The following SLC1A1 variants were observed in gnomAD, a reference collection of about 807,000 sequenced individuals.
SLC1A1 encodes excitatory amino acid transporter 3.
Under a neutral mutation model 53.3 loss-of-function variants are expected in SLC1A1, and 43 were observed. That is an observed-to-expected ratio of 0.81 (90% CI 0.63 to 1.04). SLC1A1 has a LOEUF of 1.04. Among genes scored for constraint, SLC1A1 ranks in the 50% least tolerant of loss-of-function variants. The pLI, the probability that SLC1A1 is intolerant of heterozygous loss-of-function variation, is 0.00. For missense variants in SLC1A1, 748 were observed against 664.9 expected (o/e 1.12, Z -1.37); for synonymous variants, 307 against 243.2 (o/e 1.26, Z -2.44).
At position 4,587,168 on chromosome 9, in the gene SLC1A1, TG is replaced by T. The variant is rs1348031101; in HGVS notation, c.*1611del. ...ACAACATAATGATACTGAATTGTTA[TG>T]TAAACATCATAAATAGTAAATAATG... On this transcript the variant is annotated 3_prime_UTR_variant, in exon 12 of 12. Transcript: ENST00000262352. 1.3e-5 allele frequency: 2 copies of T among 152,672 alleles called. No homozygotes were observed. Among genetic ancestry groups the T allele is most frequent in the Non-Finnish European group, 2.9e-5 (2 of 68,040 alleles). The allele number at this position is 152,672 out of a possible 1,614,324, so 9.5% of individuals were successfully genotyped here.
chr9:4,528,237 G>T (rs1219951713), intron 1 of SLC1A1, among the ~76,000 whole-genome samples: 1 of 151,518 alleles, frequency 6.6e-6, no homozygotes, highest in Non-Finnish European at 1.5e-5. Context: ...GATACTTCCT[G>T]CATGGAAAAT....
At chr9:4,572,763 G>C (rs1035013463) in intron 7 of SLC1A1, among the ~76,000 whole-genome samples, 1 of 152,224 alleles carries the variant, frequency 6.6e-6, no homozygotes, top group African/African-American at 2.4e-5. Flanking sequence ...TGCCCAGGCT[G>C]ATCTCAAACT....
At chr9:4,513,666 G>A (rs2130817686) in intron 1 of SLC1A1, among the ~76,000 whole-genome samples, 1 of 152,272 alleles carries the variant, frequency 6.6e-6, no homozygotes, top group Admixed American at 6.5e-5. Flanking sequence ...CTTAAATACA[G>A]CTTTATGATA....
Position 4,490,710 on chromosome 9 carries a change from T to C in SLC1A1, c.31T>C (p.Trp11Arg), listed in dbSNP as rs1820200844. The change falls in exon 1 of 12, where the codon TGG becomes CGG. Residue 11 changes from tryptophan (W) to arginine (R), a missense_variant. By Grantham distance (101) the Trp-to-Arg change is moderately radical. Coordinates refer to ENST00000262352, the MANE Select transcript of SLC1A1 (RefSeq NM_004170.6). ...GAAACCGGCGAGGAAAGGATGCGAG[T>C]GGAAGCGCTTCCTGAAGAATAACTG... MGKPARKGCEWKRFLKNNWVL... is the reference protein window; with the variant it reads MGKPARKGCERKRFLKNNWVL... The C allele has an allele frequency of 6.2e-7, 1 of 1,612,678 alleles. No individual in the cohort carries two copies. Among genetic ancestry groups the C allele is most frequent in the African/African-American group, 1.3e-5 (1 of 74,916 alleles).
chr9:4,492,534 C>T (rs973752743), intron 1 of SLC1A1, among the ~76,000 whole-genome samples: 2 of 151,072 alleles, frequency 1.3e-5, no homozygotes, highest in South Asian at 4.2e-4. Context: ...CACGGTGACT[C>T]ACACCTATAA....
intron 3 of SLC1A1, among the ~76,000 whole-genome samples, chr9:4,562,867 C>T (rs1463470755): frequency 6.7e-6 from 1 of 149,444 alleles, no homozygotes; most frequent in Non-Finnish European, 1.5e-5. Context: ...AATAATGCCG[C>T]AATAAACATA....
At chr9:4,518,828 T>G (rs1815957732) in intron 1 of SLC1A1, among the ~76,000 whole-genome samples, 1 of 152,246 alleles carries the variant, frequency 6.6e-6, no homozygotes, top group African/African-American at 2.4e-5. Flanking sequence ...TTTCTCACTT[T>G]GTGATTTATT....
At chr9:4,509,638 C>CA (rs1347680078) in intron 1 of SLC1A1, among the ~76,000 whole-genome samples, 1 of 152,050 alleles carries the variant, frequency 6.6e-6, no homozygotes, top group Non-Finnish European at 1.5e-5. Context: ...TAAACCCAGC[C>CA]AAAACCAGAG....
At chr9:4,574,260 G>A (rs949779597) in intron 8 of SLC1A1, among the ~76,000 whole-genome samples, 1 of 152,062 alleles carries the variant, frequency 6.6e-6, no homozygotes, top group Non-Finnish European at 1.5e-5. Flanking sequence ...TGCCTTTATT[G>A]GTTATGTTAA....
chr9:4,574,721 T>A (rs1264209146), intron 8 of SLC1A1, among the ~76,000 whole-genome samples: 1 of 152,106 alleles, frequency 6.6e-6, no homozygotes, highest in Non-Finnish European at 1.5e-5. Flanking sequence ...TCACATACCC[T>A]AAGAAATACA....
chr9:4,501,253 G>A (rs1820621066), intron 1 of SLC1A1, among the ~76,000 whole-genome samples: 1 of 150,036 alleles, frequency 6.7e-6, no homozygotes, highest in Non-Finnish European at 1.5e-5. Flanking sequence ...GTGTGATCTC[G>A]GCAACTGCAA....
intron 11 of SLC1A1, among the ~76,000 whole-genome samples, chr9:4,584,469 G>A (rs976454745): frequency 1.3e-4 from 20 of 152,244 alleles, no homozygotes; most frequent in African/African-American, 4.8e-4. Flanking sequence ...TGGAGGTATG[G>A]GATAAAAAGA....
At chr9:4,568,341 C>T (rs940475201) in intron 6 of SLC1A1, among the ~76,000 whole-genome samples, 1 of 151,110 alleles carries the variant, frequency 6.6e-6, no homozygotes, top group Non-Finnish European at 1.5e-5. Context: ...TTGCTTGTTC[C>T]AGGGAATTCA....
chr9:4,566,111 C>G, intron 5 of SLC1A1, 22 bp downstream of exon 5: 1 of 1,595,202 alleles, frequency 6.3e-7, no homozygotes, highest in African/African-American at 1.3e-5. Flanking sequence ...TACTTGTGCC[C>G]TTAACTTGCT....
intron 1 of SLC1A1, among the ~76,000 whole-genome samples, chr9:4,537,262 T>A (rs1432988479): frequency 1.5e-5 from 2 of 136,334 alleles, no homozygotes; most frequent in Admixed American, 1.5e-4. Flanking sequence ...AATTGCTTTT[T>A]AAAAAAATCA....
At chr9:4,497,574 C>G (rs1820477353) in intron 1 of SLC1A1, among the ~76,000 whole-genome samples, 2 of 152,164 alleles carry the variant, frequency 1.3e-5, no homozygotes, top group Non-Finnish European at 2.9e-5. Flanking sequence ...GAGCCTAAAG[C>G]TTAAATCAAA....
At chr9:4,518,203 C>G (rs1234967164) in intron 1 of SLC1A1, among the ~76,000 whole-genome samples, 1 of 134,970 alleles carries the variant, frequency 7.4e-6, no homozygotes, top group East Asian at 2.2e-4. Context: ...CCATTGCACT[C>G]CAGCCTAGGT....
intron 1 of SLC1A1, among the ~76,000 whole-genome samples, chr9:4,500,173 T>G (rs113908219): frequency 1.4e-3 from 214 of 152,298 alleles, no homozygotes; most frequent in African/African-American, 5.0e-3. Context: ...CGCTGGAGAT[T>G]TGGGGTCACA....
At position 4,549,199 on chromosome 9, in the gene SLC1A1, G is replaced by A. The variant is rs1189451078; in HGVS notation, c.232+4492G>A. Reference sequence around the variant, plus strand: ...ATCCTTCCCGGATGCTCATAACTTTGCTCAGGAAGAGGTTGCAGCTCTTCC... The same window carrying A: ...ATCCTTCCCGGATGCTCATAACTTTACTCAGGAAGAGGTTGCAGCTCTTCC... On this transcript the variant is annotated intron_variant, in intron 2 of 11. Coordinates refer to ENST00000262352, the MANE Select transcript of SLC1A1 (RefSeq NM_004170.6). The surrounding 1 kb of genome is among the most constrained non-coding windows in gnomAD (Gnocchi z 4.1). 6.6e-6 allele frequency among the ~76,000 whole-genome samples: 1 copy of A among 152,054 alleles called. No homozygotes were observed. Among genetic ancestry groups the A allele is most frequent in the Admixed American group, 6.6e-5 (1 of 15,264 alleles).
Sources: allele counts gnomAD v4.1 joint callset (sites outside exome capture counted in the v4.1 genomes callset), GRCh38; gene constraint gnomAD v4.1.1; non-coding constraint Gnocchi (gnomAD v3.1); transcripts MANE v1.5; gene names NCBI Gene and HGNC (gene_info 2026-07-23, HGNC 2026-07-21).